Variants in CEP128 observed in about 807,000 individuals in gnomAD.
The protein encoded by CEP128 is centrosomal protein 128.
CEP128 carries 132 observed loss-of-function variants against 156.7 expected under a neutral mutation model. That is an observed-to-expected ratio of 0.84 (90% CI 0.73 to 0.97). The LOEUF is 0.97. CEP128 is among the 50% of genes least tolerant of loss of function. The probability of loss-of-function intolerance (pLI) is 0.00; values close to 1 mark genes in which losing one functional copy is unlikely to be tolerated. For synonymous variants in CEP128, 469 were observed against 448.9 expected (o/e 1.04, Z -0.57); for missense variants, 1,252 against 1,281.9 (o/e 0.98, Z 0.36).
chr14:80,869,988 G>A (rs1887948585), intron 8 of CEP128, among the ~76,000 whole-genome samples: 1 of 151,872 alleles, frequency 6.6e-6, no homozygotes, highest in Non-Finnish European at 1.5e-5. Context: ...CCAACAAATT[G>A]GATAACCTAG....
chr14:80,750,777 C>A (rs75664342), intron 18 of CEP128, among the ~76,000 whole-genome samples: 4,098 of 152,158 alleles, frequency 0.027, 177 homozygotes, highest in African/African-American at 0.093. Flanking sequence ...ACAACAACAA[C>A]AAAAAATCCC....
intron 9 of CEP128, among the ~76,000 whole-genome samples, chr14:80,862,353 T>C (rs1887555753): frequency 1.3e-5 from 2 of 152,240 alleles, no homozygotes; most frequent in South Asian, 4.1e-4. Flanking sequence ...AGCCACAGTT[T>C]GATGACCCCT....
At chr14:80,693,360 G>A (rs78740624) in intron 19 of CEP128, among the ~76,000 whole-genome samples, 1 of 152,150 alleles carries the variant, frequency 6.6e-6, no homozygotes, top group African/African-American at 2.4e-5. Context: ...CAGTAGTTCT[G>A]AGAGAACAAA....
Position 80,777,985 on chromosome 14 carries a change from T to C in CEP128, c.2273A>G (p.Lys758Arg), listed in dbSNP as rs114901824. ...KIHRGQLEKL[K>R]SQCDRLTEEL... Reference sequence around the variant, plus strand: ...CTCTGTCAGTCTGTCACACTGTGATTTCAACTTCTCCAGCTGACCACGATG... The same window carrying C: ...CTCTGTCAGTCTGTCACACTGTGATCTCAACTTCTCCAGCTGACCACGATG... Residue 758 changes from lysine to arginine, a missense_variant, in exon 16 of 25, where the codon AAA becomes AGA. Lys to Arg is a conservative substitution (Grantham distance 26). Coordinates refer to ENST00000555265, the MANE Select transcript of CEP128 (RefSeq NM_152446.5). 1.2e-6 allele frequency: 2 copies of C among 1,613,594 alleles called. No homozygotes were observed. The highest frequency in any genetic ancestry group is 4.5e-5 in the East Asian group (2 of 44,822).
intron 14 of CEP128, among the ~76,000 whole-genome samples, chr14:80,482,981 GCT>G (rs1346604678): frequency 6.6e-6 from 1 of 152,150 alleles, no homozygotes; most frequent in Non-Finnish European, 1.5e-5. Flanking sequence ...ACCACAATCG[GCT>G]TGTACATTAG....
At chr14:80,682,708 T>G (rs374659731) in intron 19 of CEP128, among the ~76,000 whole-genome samples, 1 of 152,130 alleles carries the variant, frequency 6.6e-6, no homozygotes, top group African/African-American at 2.4e-5. Flanking sequence ...GGGCAGATCA[T>G]GTACAAAGGG....
At chr14:80,652,038 G>GT (rs1894927922) in intron 19 of CEP128, among the ~76,000 whole-genome samples, 1 of 151,870 alleles carries the variant, frequency 6.6e-6, no homozygotes, top group African/African-American at 2.4e-5. Flanking sequence ...CTATTATGGT[G>GT]TGGGAGCCTG....
chr14:80,497,338 C>T lies in CEP128; in HGVS notation c.*141G>A, dbSNP rs937897950. On this transcript the variant is annotated 3_prime_UTR_variant, in exon 25 of 25. Transcript: ENST00000555265. ...CATTCACAAGGACCAACAGTATTGT[C>T]ACTTTTGTCAATGTTTGGCAATACC... The T allele has an allele frequency of 1.5e-5, 9 of 604,466 alleles. No individual in the cohort carries two copies. The African/African-American group carries it at 1.5e-4, about 10-fold the overall frequency. The allele number at this position is 604,466 out of a possible 1,614,324, so 37.4% of individuals were successfully genotyped here.
At chr14:80,955,457 A>T in intron 2 of CEP128, 1 of 604,910 alleles carries the variant, frequency 1.7e-6, no homozygotes, top group Non-Finnish European at 2.9e-6. Context: ...TGAAGCAAGC[A>T]GACTTGTTTG....
chr14:80,511,964 A>T (rs546000545), intron 23 of CEP128, among the ~76,000 whole-genome samples: 2 of 151,988 alleles, frequency 1.3e-5, no homozygotes, highest in African/African-American at 4.8e-5. Flanking sequence ...ATTTTTTTGA[A>T]TTTTTAAAGA....
downstream of CEP128, among the ~76,000 whole-genome samples, chr14:80,489,268 A>T (rs1887244743): frequency 2.0e-4 from 1 of 5,110 alleles, no homozygotes; most frequent in African/African-American, 7.1e-4. Flanking sequence ...TGTAAAAGCT[A>T]AAAAAAAAAA....
chr14:80,478,842 A>G (rs34806974), intron 14 of CEP128, among the ~76,000 whole-genome samples: 1 of 152,088 alleles, frequency 6.6e-6, no homozygotes, highest in African/African-American at 2.4e-5. Context: ...TAAATATTTG[A>G]TAAATTAATG....
intron 19 of CEP128, among the ~76,000 whole-genome samples, chr14:80,695,670 T>C (rs1024018406): frequency 7.1e-6 from 1 of 141,406 alleles, no homozygotes; most frequent in Non-Finnish European, 1.5e-5. Flanking sequence ...TGAGCCAAGA[T>C]CACACCATTG....
intron 16 of CEP128, among the ~76,000 whole-genome samples, chr14:80,776,643 G>A (rs1444075227): frequency 6.6e-6 from 1 of 151,298 alleles, no homozygotes; most frequent in Admixed American, 6.6e-5. Context: ...AGAAGTTTAT[G>A]AGTAGTTTTA....
chr14:80,741,258 A>G (rs1898816935), intron 19 of CEP128, among the ~76,000 whole-genome samples: 1 of 152,182 alleles, frequency 6.6e-6, no homozygotes, highest in African/African-American at 2.4e-5. Context: ...AAAACTTTTG[A>G]AAAATTCTTT....
At chr14:80,938,663 G>A (rs1236000071) in intron 2 of CEP128, among the ~76,000 whole-genome samples, 1 of 152,054 alleles carries the variant, frequency 6.6e-6, no homozygotes, top group East Asian at 1.9e-4. Flanking sequence ...CATCTATGTT[G>A]TAAATTTAAA....
chr14:80,693,498 T>C (rs112596962), intron 19 of CEP128, among the ~76,000 whole-genome samples: 1 of 152,162 alleles, frequency 6.6e-6, no homozygotes, highest in African/African-American at 2.4e-5. Context: ...TAATTTTTCC[T>C]ATATTAAACT....
At chr14:80,667,468 C>G (rs560887576) in intron 19 of CEP128, among the ~76,000 whole-genome samples, 2 of 152,178 alleles carry the variant, frequency 1.3e-5, no homozygotes, top group Non-Finnish European at 2.9e-5. Context: ...AACCCAATAG[C>G]AATAACTAAA....
At chr14:80,913,937 A>G (rs1884398032) in intron 4 of CEP128, among the ~76,000 whole-genome samples, 1 of 152,236 alleles carries the variant, frequency 6.6e-6, no homozygotes, top group African/African-American at 2.4e-5. Flanking sequence ...TAAAAAATTA[A>G]AAAGGGGCTT....
Sources: allele counts gnomAD v4.1 joint callset (sites outside exome capture counted in the v4.1 genomes callset), GRCh38; gene constraint gnomAD v4.1.1; transcripts MANE v1.5; gene names NCBI Gene and HGNC (gene_info 2026-07-23, HGNC 2026-07-21).